Variants in TDRP observed in about 807,000 individuals in gnomAD.
TDRP encodes the protein testis development-related protein.
TDRP carries 12 observed loss-of-function variants against 10.5 expected under a neutral mutation model. That is an observed-to-expected ratio of 1.15 (90% CI 0.73 to 1.86). The LOEUF (loss-of-function observed/expected upper bound fraction) is 1.86. Ranked by LOEUF, TDRP falls within the 40% of genes most tolerant of loss-of-function variation. TDRP has a pLI of 0.00. For missense variants in TDRP, 353 were observed against 229.2 expected, an observed-to-expected ratio of 1.54 and a Z score of -3.49; for synonymous variants, 139 against 95.4, an observed-to-expected ratio of 1.46 and a Z score of -2.67.
At chr8:523,285 G>T (rs1363096032) in intron 1 of TDRP, among the ~76,000 whole-genome samples, 1 of 152,056 alleles carries the variant, frequency 6.6e-6, no homozygotes, top group East Asian at 1.9e-4. Flanking sequence ...ATTACTTTAT[G>T]TCTCCCCTTT....
At chr8:523,439 A>G (rs1801957622) in intron 1 of TDRP, among the ~76,000 whole-genome samples, 1 of 152,130 alleles carries the variant, frequency 6.6e-6, no homozygotes, top group African/African-American at 2.4e-5. Flanking sequence ...TATAAGAACT[A>G]AAAATCAGCT....
intron 1 of TDRP, among the ~76,000 whole-genome samples, chr8:495,301 A>G (rs1183245606): frequency 6.6e-6 from 1 of 152,186 alleles, no homozygotes; most frequent in Non-Finnish European, 1.5e-5. Context: ...TTGTTACAAG[A>G]GGTCCCCTAG....
Position 507,025 on chromosome 8 carries a change from G to C in TDRP, c.109-12428C>G, listed in dbSNP as rs138720073. Among the ~76,000 whole-genome samples, 440 of 152,294 alleles carry C rather than the reference G, an allele frequency of 2.9e-3. 3 individuals carry two copies. Among genetic ancestry groups the C allele is most frequent in the African/African-American group, 0.01 (418 of 41,560 alleles). ...GTTCTGCAAGCTTAACAGGAAGCAT[G>C]GCTGGGAAGCTTTGGGAAACTTACA... On this transcript the variant is annotated intron_variant, in intron 1 of 2. Transcript: ENST00000324079.
At chr8:514,195 C>CA (rs1193153472) in intron 1 of TDRP, among the ~76,000 whole-genome samples, 1 of 152,168 alleles carries the variant, frequency 6.6e-6, no homozygotes, top group Non-Finnish European at 1.5e-5. Context: ...AAACTTACCA[C>CA]AAAGCAACAG....
chr8:502,266 C>A (rs1039760360), intron 1 of TDRP, among the ~76,000 whole-genome samples: 4 of 152,216 alleles, frequency 2.6e-5, no homozygotes, highest in Non-Finnish European at 5.9e-5. Flanking sequence ...GAGAAACTGG[C>A]CATTCTGGAA....
intron 1 of TDRP, among the ~76,000 whole-genome samples, chr8:495,813 A>T (rs1181451816): frequency 2.6e-5 from 4 of 152,224 alleles, no homozygotes; most frequent in African/African-American, 9.6e-5. Context: ...GCCAGGTGCA[A>T]TGTCTGGGGG....
intron 1 of TDRP, among the ~76,000 whole-genome samples, chr8:507,047 T>A (rs1801485753): frequency 6.6e-6 from 1 of 152,122 alleles, no homozygotes; most frequent in South Asian, 2.1e-4. Context: ...TTGGGAAACT[T>A]ACAATCATGG....
intron 1 of TDRP, among the ~76,000 whole-genome samples, chr8:536,014 C>T (rs376902292): frequency 9.9e-5 from 15 of 152,180 alleles, no homozygotes; most frequent in African/African-American, 3.1e-4. Context: ...TAAGTCATGC[C>T]ACCTTAAGCC....
chr8:495,407 C>T lies in TDRP; in HGVS notation c.109-810G>A, dbSNP rs553160741. 1.4e-3 allele frequency among the ~76,000 whole-genome samples: 213 copies of T among 152,330 alleles called. 2 individuals carry two copies. The highest frequency in any genetic ancestry group is 5.0e-3 in the African/African-American group (208 of 41,574). ...ACAGTGACCCTTGCCCTAACTTCTA[C>T]AAGTGTAGATTTCTGAGAAGAAATA... On this transcript the variant is annotated intron_variant, in intron 1 of 2. Transcript: ENST00000324079.
At chr8:544,547 T>C in intron 1 of TDRP, 103 bp downstream of exon 1, 2 of 789,472 alleles carry the variant, frequency 2.5e-6, no homozygotes, top group African/African-American at 1.8e-5. Context: ...CCGCCCAAAC[T>C]GTGCCCCCAA....
chr8:506,792 T>C (rs1240029802), intron 1 of TDRP, among the ~76,000 whole-genome samples: 1 of 152,116 alleles, frequency 6.6e-6, no homozygotes, highest in Non-Finnish European at 1.5e-5. Context: ...GCACTAACCT[T>C]CAGAGCTGTG....
At chr8:544,535 G>A in intron 1 of TDRP, 115 bp downstream of exon 1, 3 of 689,086 alleles carry the variant, frequency 4.4e-6, no homozygotes, top group South Asian at 7.2e-5. Context: ...AACCTCACCT[G>A]CCCGCCCAAA....
intron 1 of TDRP, among the ~76,000 whole-genome samples, chr8:513,215 T>C (rs981015967): frequency 2.6e-5 from 4 of 151,384 alleles, no homozygotes; most frequent in Admixed American, 2.0e-4. Flanking sequence ...GAAAAGGAAA[T>C]TATAGACTAG....
chr8:503,297 C>G (rs576437039), intron 1 of TDRP, among the ~76,000 whole-genome samples: 18 of 144,750 alleles, frequency 1.2e-4, no homozygotes, highest in Admixed American at 1.1e-3. Context: ...CCTCAGCACA[C>G]GCCAACATGG....
chr8:518,576 C>G (rs1273098280), intron 1 of TDRP, among the ~76,000 whole-genome samples: 1 of 152,022 alleles, frequency 6.6e-6, no homozygotes, highest in Non-Finnish European at 1.5e-5. Flanking sequence ...TCTAGGAAAG[C>G]TGAGTAACTA....
intron 1 of TDRP, among the ~76,000 whole-genome samples, chr8:509,090 C>T (rs1403485848): frequency 6.6e-6 from 1 of 152,244 alleles, no homozygotes; most frequent in Non-Finnish European, 1.5e-5. Flanking sequence ...GCTCCTACCA[C>T]CTTGGGCAGC....
chr8:517,899 G>C (rs978344341), intron 1 of TDRP, among the ~76,000 whole-genome samples: 1 of 152,200 alleles, frequency 6.6e-6, no homozygotes, highest in South Asian at 2.1e-4. Flanking sequence ...ATGACATTCT[G>C]GAAAACACAA....
chr8:516,021 T>G (rs1801748885), intron 1 of TDRP, among the ~76,000 whole-genome samples: 1 of 152,166 alleles, frequency 6.6e-6, no homozygotes, highest in Non-Finnish European at 1.5e-5. Context: ...CAAGTTTCCT[T>G]AAAAATTACA....
intron 1 of TDRP, among the ~76,000 whole-genome samples, chr8:515,000 C>G (rs1801719937): frequency 1.3e-5 from 2 of 152,170 alleles, no homozygotes; most frequent in Admixed American, 6.5e-5. Flanking sequence ...GACTTTATTC[C>G]AATTCAGCTA....
Sources: gnomAD v4.1 joint callset for allele counts (sites outside exome capture counted in the v4.1 genomes callset) on GRCh38, gnomAD v4.1.1 for gene constraint, MANE v1.5 for transcripts, NCBI Gene and HGNC (gene_info 2026-07-23, HGNC 2026-07-21) for gene names.